The following NUP98 variants were observed in gnomAD, a reference collection of about 807,000 sequenced individuals.
The protein encoded by NUP98 is nuclear pore complex protein Nup98-Nup96.
NUP98 carries 26 observed loss-of-function variants against 191.9 expected under a neutral mutation model. That is an observed-to-expected ratio of 0.14 (90% CI 0.10 to 0.19). The LOEUF is 0.19. Ranked by LOEUF, NUP98 falls within the 10% of genes least tolerant of loss-of-function variation. The pLI is 1.00. For missense variants in NUP98, 1,941 were observed against 2,178.8 expected (o/e 0.89, Z 2.17); for synonymous variants, 808 against 778.4 (o/e 1.04, Z -0.63).
chr11:3,760,795 G>C (rs1433532755), intron 9 of NUP98, among the ~76,000 whole-genome samples, 169 bp from the exon 10 acceptor site: 2 of 152,088 alleles, frequency 1.3e-5, no homozygotes, highest in Non-Finnish European at 2.9e-5. Context: ...AAAATAATCT[G>C]GGCAAGATTA....
chr11:3,787,850 G>A (rs1008994487), intron 1 of NUP98, among the ~76,000 whole-genome samples: 1 of 151,902 alleles, frequency 6.6e-6, no homozygotes, highest in Admixed American at 6.6e-5. Context: ...AAATTAGCTG[G>A]GCATGGTGGT....
chr11:3,763,065 A>C (rs1345515818), intron 8 of NUP98, 26 bp from the exon 9 acceptor site: 1 of 1,605,060 alleles, frequency 6.2e-7, no homozygotes, highest in Non-Finnish European at 8.5e-7. Context: ...TATAGATTAA[A>C]AGATATCCTG....
intron 1 of NUP98, among the ~76,000 whole-genome samples, chr11:3,789,617 C>G (rs778571793): frequency 6.9e-6 from 1 of 145,880 alleles, no homozygotes; most frequent in African/African-American, 2.5e-5. Flanking sequence ...CTGGGTTCAA[C>G]TGATCCTCCC....
intron 10 of NUP98, 135 bp from the exon 11 acceptor site, chr11:3,753,543 G>A (rs1433071279): frequency 6.5e-6 from 4 of 614,246 alleles, no homozygotes; most frequent in South Asian, 2.2e-5. Context: ...CTAACTTGTA[G>A]GATAACTTAA....
rs763337998 is a variant in NUP98 at position 3,763,044 on chromosome 11, A to G, written c.949-5T>C. On this transcript the variant is annotated splice_region_variant and splice_polypyrimidine_tract_variant and intron_variant, in intron 8 of 32. Transcript: ENST00000324932. ...TTGGGTTACTCCAAATAATCCCTGC[A>G]AAGAAGTTTATATAGATTAAAAGAT... The G allele has an allele frequency of 6.2e-7, 1 of 1,613,840 alleles. No homozygotes were observed. The highest frequency in any genetic ancestry group is 8.5e-7 in the Non-Finnish European group (1 of 1,179,850).
chr11:3,700,818 T>G lies in NUP98; in HGVS notation c.3534A>C (p.Lys1178Asn), dbSNP rs375867418. The G allele has an allele frequency of 1.1e-5, 18 of 1,613,708 alleles. No homozygotes were observed. In the African/African-American group the frequency reaches 2.1e-4, roughly 19 times the overall value. ...AVKPLTESPF[K>N]VHLEKLSLRQ... ...TCAAACTGAGTTTTTCTAAGTGAAC[T>G]TTGAATGGGGACTCAGTTAGGCTAC... Residue 1178 changes from lysine (K) to asparagine (N), a missense_variant, in exon 24 of 33, where the codon AAA (lysine) becomes AAC (asparagine). By Grantham distance (94) the Lys-to-Asn change is moderately conservative. Transcript: ENST00000324932.
chr11:3,688,933 T>G (rs1589961815), intron 28 of NUP98, among the ~76,000 whole-genome samples: 1 of 149,404 alleles, frequency 6.7e-6, no homozygotes. Flanking sequence ...ATTTCTAAGG[T>G]AATGTAAGAA....
chr11:3,691,469 T>C lies in NUP98; in HGVS notation c.4332A>G (p.Arg1444=). ...ACGAAGGAAGTGGGGAGCAGGCATATCTGTCACTGTCAGAGGTATTCTGAA... is the reference window on the plus strand; with the variant it reads ...ACGAAGGAAGTGGGGAGCAGGCATACCTGTCACTGTCAGAGGTATTCTGAA... ...EAFQNTSDSD[R]YACSPLPSYL... The change falls in exon 28 of 33, where the codon AGA becomes AGG. Residue 1444 remains arginine, a synonymous_variant. Transcript: ENST00000324932. 1 of 1,614,194 alleles carries C rather than the reference T, an allele frequency of 6.2e-7. No homozygotes were observed. Among genetic ancestry groups the C allele is most frequent in the Non-Finnish European group, 8.5e-7 (1 of 1,180,044 alleles).
Position 3,706,450 on chromosome 11 carries a change from A to G in NUP98, c.2920T>C (p.Leu974=). 1 of 1,614,086 alleles carries G rather than the reference A, an allele frequency of 6.2e-7. No individual in the cohort carries two copies. Among genetic ancestry groups the G allele is most frequent in the Non-Finnish European group, 8.5e-7 (1 of 1,179,960 alleles). The part of the protein sequence containing the change: ...ASSLGINPHV[L]QIMKASLLTD... The stretch of plus-strand genomic sequence containing the variant: ...AAGGTGGGTTAGAACTTCACCTGTA[A>G]GACATGTGGATTAATTCCCAGTGAA... The change falls in exon 21 of 33, where the codon TTA becomes CTA. Residue 974 remains leucine (L), a synonymous_variant. Transcript: ENST00000324932.
rs112351846 is a variant in NUP98, at chr11:3,793,029, T to C, written c.-29+4371A>G. On this transcript the variant is annotated intron_variant, in intron 1 of 32. Coordinates refer to ENST00000324932, the MANE Select transcript of NUP98 (RefSeq NM_016320.5). Reference sequence around the variant, plus strand: ...AGGAGGCTGAGGCAGGAGAATTGCTTGAACCTGGGAGGCGGAGGTTGGAGT... The same window carrying C: ...AGGAGGCTGAGGCAGGAGAATTGCTCGAACCTGGGAGGCGGAGGTTGGAGT... Among the ~76,000 whole-genome samples the C allele has an allele frequency of 2.3e-4, 35 of 152,238 alleles. 1 individual carries two copies. The highest frequency in any genetic ancestry group is 6.7e-4 in the African/African-American group (28 of 41,530).
At chr11:3,781,514 A>G in intron 2 of NUP98, 1 of 150,852 alleles carries the variant, frequency 6.6e-6, no homozygotes, top group East Asian at 1.9e-4. Flanking sequence ...AAAAAAAAAA[A>G]AAACCCCTCC....
chr11:3,768,706 C>T lies in NUP98; in HGVS notation c.823G>A (p.Gly275Ser). Residue 275 changes from glycine to serine, a missense_variant, in exon 8 of 33, where the codon GGC becomes AGC. Coordinates refer to ENST00000324932, the MANE Select transcript of NUP98 (RefSeq NM_016320.5). ...CTGGTAGTCTGCTGATTCTGTTGGCCAAAGAGACCACCTGGATTTGTTCCA... is the reference window on the plus strand; with the variant it reads ...CTGGTAGTCTGCTGATTCTGTTGGCTAAAGAGACCACCTGGATTTGTTCCA... The part of the protein sequence containing the change: ...GFGTNPGGLF[G>S]QQNQQTTSLF... The T allele has an allele frequency of 6.3e-7, 1 of 1,595,320 alleles. No homozygotes were observed. Among genetic ancestry groups the T allele is most frequent in the Non-Finnish European group, 8.5e-7 (1 of 1,171,174 alleles).
Position 3,792,178 on chromosome 11 carries a change from CAAAAAAAAAAAAAA to C in NUP98, c.-29+5208_-29+5221del, listed in dbSNP as rs61471948. On this transcript the variant is annotated intron_variant, in intron 1 of 32. Coordinates refer to ENST00000324932, the MANE Select transcript of NUP98 (RefSeq NM_016320.5). ...CAGGTGACAGAGTGAAACTCCATCTCAAAAAAAAAAAAAAAAAAAAAAAAAAAAAAACATGTATT... is the reference window on the plus strand; with the variant it reads ...CAGGTGACAGAGTGAAACTCCATCTCAAAAAAAAAAAAAAAAACATGTATT... 2.2e-4 allele frequency among the ~76,000 whole-genome samples: 13 copies of C among 58,854 alleles called. 1 individual carries two copies. Among genetic ancestry groups the C allele is most frequent in the East Asian group, 1.8e-3 (3 of 1,714 alleles). 38.6% of individuals were successfully genotyped at this position (58,854 alleles called of 152,430 possible). A position where few individuals can be genotyped will look rare whatever the true frequency, so the allele number is the denominator to read the frequency against.
intron 14 of NUP98, among the ~76,000 whole-genome samples, chr11:3,728,393 C>T (rs1223709550): frequency 6.6e-6 from 1 of 152,160 alleles, no homozygotes; most frequent in Non-Finnish European, 1.5e-5. Flanking sequence ...TCAAAATGAC[C>T]ACTGTGATAG....
chr11:3,780,894 A>G (rs2133944838), intron 2 of NUP98, among the ~76,000 whole-genome samples: 1 of 152,234 alleles, frequency 6.6e-6, no homozygotes, highest in East Asian at 1.9e-4. Context: ...ACCCTGGCCA[A>G]CATGGTGAAA....
intron 11 of NUP98, among the ~76,000 whole-genome samples, chr11:3,744,971 C>T (rs1456789202): frequency 6.6e-6 from 1 of 152,182 alleles, no homozygotes; most frequent in Non-Finnish European, 1.5e-5. Flanking sequence ...GAACATACTA[C>T]ATGCTCATCA....
chr11:3,736,676 T>C (rs912595389), intron 12 of NUP98, among the ~76,000 whole-genome samples: 2 of 152,214 alleles, frequency 1.3e-5, no homozygotes, highest in Non-Finnish European at 2.9e-5. Flanking sequence ...TCAACATAGG[T>C]TATGTAGTTA....
intron 8 of NUP98, among the ~76,000 whole-genome samples, chr11:3,763,767 C>T (rs577692150): frequency 6.6e-6 from 1 of 152,220 alleles, no homozygotes; most frequent in East Asian, 1.9e-4. Flanking sequence ...AGGCTGGTCA[C>T]GAACTCCTGA....
intron 32 of NUP98, 49 bp downstream of exon 32, chr11:3,676,459 TA>T: frequency 6.2e-7 from 1 of 1,604,626 alleles, no homozygotes; most frequent in Non-Finnish European, 8.5e-7. Flanking sequence ...GTAATAATCA[TA>T]AAAACAGGAA....
Sources: allele counts gnomAD v4.1 joint callset (sites outside exome capture counted in the v4.1 genomes callset), GRCh38; gene constraint gnomAD v4.1.1; transcripts MANE v1.5; gene names NCBI Gene and HGNC (gene_info 2026-07-23, HGNC 2026-07-21).